Variants in ANK2 observed in about 807,000 individuals in gnomAD.
The protein encoded by ANK2 is ankyrin 2.
In ANK2, 83 loss-of-function variants were observed where a neutral mutation model predicts 360.5. The observed-to-expected ratio is 0.23, with a 90% confidence interval of 0.19 to 0.28. ANK2 has a LOEUF of 0.28. ANK2 is among the 10% of genes least tolerant of loss of function. The probability of loss-of-function intolerance (pLI) is 1.00; values close to 1 mark genes in which losing one functional copy is unlikely to be tolerated. For missense variants in ANK2, 4,201 were observed against 4,795.7 expected (o/e 0.88, Z 3.66); for synonymous variants, 1,740 against 1,759.5 (o/e 0.99, Z 0.28).
chr4:113,352,906 C>T, intron 37 of ANK2, 139 bp from the exon 38 acceptor site: 1 of 887,174 alleles, frequency 1.1e-6, no homozygotes, highest in Admixed American at 2.4e-5. Flanking sequence ...TGTGGATCTA[C>T]CATTCCCAGC....
At chr4:112,777,188 A>G in the ANK2 span, among the ~76,000 whole-genome samples, 1 of 152,302 alleles carries the variant, frequency 6.6e-6, no homozygotes, top group South Asian at 2.1e-4. Context: ...TAAGGCTTAC[A>G]TGTGCAAAAT....
intron 17 of ANK2, among the ~76,000 whole-genome samples, chr4:113,280,122 A>G (rs928482866): frequency 2.0e-5 from 3 of 152,126 alleles, no homozygotes; most frequent in Non-Finnish European, 4.4e-5. Flanking sequence ...ACATAGATAC[A>G]AAAGACTTCA....
At chr4:113,113,390 C>T (rs1254478429) in intron 1 of ANK2, among the ~76,000 whole-genome samples, 1 of 152,154 alleles carries the variant, frequency 6.6e-6, no homozygotes, top group Non-Finnish European at 1.5e-5. Flanking sequence ...TTAAACGCTG[C>T]CTGACTGATG....
the ANK2 span, among the ~76,000 whole-genome samples, chr4:112,760,620 C>A: frequency 0.3 from 45,353 of 150,848 alleles, 6,967 homozygotes; most frequent in East Asian, 0.35. Context: ...TATACATGTG[C>A]CATGTTGGTG....
chr4:112,799,816 C>A, the ANK2 span, among the ~76,000 whole-genome samples: 1 of 129,072 alleles, frequency 7.7e-6, no homozygotes. Context: ...CCGCGCCCAG[C>A]CCACCTCTTT....
At chr4:113,017,264 GT>G (rs1171699064) in intron 2 of ANK2, among the ~76,000 whole-genome samples, 1 of 151,580 alleles carries the variant, frequency 6.6e-6, no homozygotes, top group Non-Finnish European at 1.5e-5. Flanking sequence ...CCAAGAACAT[GT>G]TTCACTTTCA....
At chr4:112,734,296 C>T in the ANK2 span, among the ~76,000 whole-genome samples, 1 of 152,200 alleles carries the variant, frequency 6.6e-6, no homozygotes, top group Non-Finnish European at 1.5e-5. Flanking sequence ...AGGAACTGAG[C>T]TCCCTAGCTG....
intron 1 of ANK2, among the ~76,000 whole-genome samples, chr4:113,101,032 C>T (rs2092744769): frequency 6.6e-6 from 1 of 152,044 alleles, no homozygotes; most frequent in South Asian, 2.1e-4. Flanking sequence ...TGAAACTATT[C>T]TGTATGATCT....
the ANK2 span, among the ~76,000 whole-genome samples, chr4:112,745,279 A>G: frequency 6.6e-6 from 1 of 152,062 alleles, no homozygotes; most frequent in Non-Finnish European, 1.5e-5. Flanking sequence ...TTTTAAATCT[A>G]TTTTTATTTT....
At chr4:113,143,931 G>A (rs1010393958) in intron 1 of ANK2, among the ~76,000 whole-genome samples, 2 of 152,134 alleles carry the variant, frequency 1.3e-5, no homozygotes, top group African/African-American at 4.8e-5. Flanking sequence ...AAACATGAAA[G>A]GCTTTGCTTG....
chr4:113,359,205 T>C lies in ANK2; in HGVS notation c.10587T>C (p.Pro3529=). The change falls in exon 38 of 46, where the codon CCT becomes CCC. Residue 3529 remains proline, a synonymous_variant. Coordinates refer to ENST00000357077, the MANE Select transcript of ANK2 (RefSeq NM_001148.6). ...LPPVETEHSV[P]EDIFDTRPIW... is the part of the protein sequence containing the mutation. ...CTGTTGAGACCGAGCACTCAGTTCC[T>C]GAGGACATCTTTGACACAAGGCCCA... 1.2e-6 allele frequency: 2 copies of C among 1,613,600 alleles called. No individual in the cohort carries two copies. The highest frequency in any genetic ancestry group is 1.7e-6 in the Non-Finnish European group (2 of 1,179,610).
rs76635217 is a variant in ANK2 at position 113,010,740 on chromosome 4, G to A, written c.21+106226G>A. On this transcript the variant is annotated intron_variant, in intron 2 of 30. Coordinates refer to the ANK2 transcript ENST00000503271. The stretch of plus-strand genomic sequence containing the variant: ...TCCATACCCAAACAGAGTATTTTAG[G>A]TAGAGAATGCCAGGTGTACACAGTT... 5.9e-3 allele frequency among the ~76,000 whole-genome samples: 891 copies of A among 152,164 alleles called. 10 individuals are homozygous for A. The highest frequency in any genetic ancestry group is 0.02 in the African/African-American group (844 of 41,536).
At chr4:113,132,791 T>C (rs2096134706) in intron 1 of ANK2, among the ~76,000 whole-genome samples, 1 of 152,138 alleles carries the variant, frequency 6.6e-6, no homozygotes, top group African/African-American at 2.4e-5. Flanking sequence ...AATGGGGAAT[T>C]CCAGCAGCCA....
At chr4:113,185,287 A>T (rs1202051563) in intron 2 of ANK2, among the ~76,000 whole-genome samples, 1 of 152,114 alleles carries the variant, frequency 6.6e-6, no homozygotes, top group Non-Finnish European at 1.5e-5. Flanking sequence ...AGGAATTGCC[A>T]CTCTGTCTTC....
intron 1 of ANK2, among the ~76,000 whole-genome samples, chr4:113,055,139 C>T (rs1010819787): frequency 6.6e-6 from 1 of 151,986 alleles, no homozygotes; most frequent in South Asian, 2.1e-4. Context: ...ACACCTGTAA[C>T]CCCAGCACTT....
chr4:113,109,608 A>C (rs986356021), intron 1 of ANK2, among the ~76,000 whole-genome samples: 33 of 152,290 alleles, frequency 2.2e-4, no homozygotes, highest in African/African-American at 7.7e-4. Flanking sequence ...TCAAAATAAA[A>C]GCTCAAGTTT....
At chr4:112,862,225 ATAGGAAGGAAGAGC>A (rs1307904779) in intron 1 of ANK2, among the ~76,000 whole-genome samples, 1 of 152,258 alleles carries the variant, frequency 6.6e-6, no homozygotes, top group African/African-American at 2.4e-5. Context: ...AATTTTAAAA[ATAGGAAGGAAGAGC>A]TTTAGTGCAG....
At chr4:113,114,590 TA>T (rs890546188) in intron 1 of ANK2, among the ~76,000 whole-genome samples, 1 of 152,078 alleles carries the variant, frequency 6.6e-6, no homozygotes, top group African/African-American at 2.4e-5. Context: ...AGTTGAAGTT[TA>T]AAAAATGTGT....
intron 1 of ANK2, among the ~76,000 whole-genome samples, chr4:113,067,463 C>T (rs2076038215): frequency 6.6e-6 from 1 of 152,126 alleles, no homozygotes; most frequent in Non-Finnish European, 1.5e-5. Flanking sequence ...CAGATTTTCA[C>T]ATGTAGGTCC....
Sources: gnomAD v4.1 joint callset for allele counts (sites outside exome capture counted in the v4.1 genomes callset) on GRCh38, gnomAD v4.1.1 for gene constraint, MANE v1.5 for transcripts, NCBI Gene and HGNC (gene_info 2026-07-23, HGNC 2026-07-21) for gene names.